Variants in RANBP2 observed in about 807,000 individuals in gnomAD.
RANBP2 encodes the protein RAN binding protein 2.
A neutral mutation model predicts 303.6 loss-of-function variants in RANBP2; 57 were observed. The observed-to-expected ratio is 0.19, with a 90% CI of 0.15 to 0.23. The LOEUF (loss-of-function observed/expected upper bound fraction) is 0.23, where lower values mean the gene tolerates loss of function less well. RANBP2 is among the 10% of genes least tolerant of loss of function. RANBP2 has a pLI of 1.00. For synonymous variants in RANBP2, 1,167 were observed against 1,301.5 expected (o/e 0.90, Z 2.23); for missense variants, 3,138 against 3,780.8 (o/e 0.83, Z 4.46).
the RANBP2 span, chr2:109,585,821 A>G: frequency 6.2e-7 from 1 of 1,613,732 alleles, no homozygotes. Flanking sequence ...TAGTCAACGA[A>G]CGAATGTTTT....
the RANBP2 span, among the ~76,000 whole-genome samples, chr2:109,537,550 T>C: frequency 6.8e-6 from 1 of 146,616 alleles, no homozygotes; most frequent in Non-Finnish European, 1.5e-5. Context: ...ATACTGGTCT[T>C]ATGAGTTTGG....
the RANBP2 span, among the ~76,000 whole-genome samples, chr2:109,462,960 A>T: frequency 6.6e-6 from 1 of 152,100 alleles, no homozygotes; most frequent in Admixed American, 6.5e-5. Flanking sequence ...TCTTTCCCCT[A>T]ATGCGCAGTC....
the RANBP2 span, among the ~76,000 whole-genome samples, chr2:109,120,667 CAAAAAAA>C: frequency 1.7e-5 from 1 of 59,894 alleles, no homozygotes; most frequent in African/African-American, 6.5e-5. Flanking sequence ...AACTCCGTCT[CAAAAAAA>C]AAAAAAAAAA....
At chr2:109,690,322 A>G in the RANBP2 span, among the ~76,000 whole-genome samples, 7 of 152,196 alleles carry the variant, frequency 4.6e-5, no homozygotes, top group African/African-American at 1.7e-4. Context: ...GGGACAACTC[A>G]AAGTTGTGGG....
the RANBP2 span, among the ~76,000 whole-genome samples, chr2:109,276,449 C>T: frequency 1.3e-5 from 2 of 152,072 alleles, no homozygotes; most frequent in Non-Finnish European, 2.9e-5. Flanking sequence ...TCCTCCGGGA[C>T]CCAGGGAGGG....
chr2:109,574,675 T>G, the RANBP2 span: 38 of 1,610,260 alleles, frequency 2.4e-5, no homozygotes, highest in Non-Finnish European at 3.1e-5. Flanking sequence ...GATGCGAGAA[T>G]CATGGTAGGT....
intron 1 of RANBP2, 59 bp from the exon 2 acceptor site, chr2:108,729,073 G>GA (rs1337375881): frequency 6.6e-7 from 1 of 1,524,960 alleles, no homozygotes; most frequent in Non-Finnish European, 8.9e-7. Flanking sequence ...TACTACTTTT[G>GA]AAAAAATGTT....
the RANBP2 span, among the ~76,000 whole-genome samples, chr2:109,096,082 G>A: frequency 1.1e-3 from 167 of 152,010 alleles, no homozygotes; most frequent in South Asian, 5.2e-3. Flanking sequence ...AATGACTTAC[G>A]GTGATGTGAG....
chr2:109,631,571 C>T, the RANBP2 span, among the ~76,000 whole-genome samples: 1,130 of 152,086 alleles, frequency 7.4e-3, 21 homozygotes, highest in African/African-American at 0.026. Context: ...ACCTGGACAA[C>T]GTGGTGAAAC....
chr2:109,532,479 C>T, the RANBP2 span, among the ~76,000 whole-genome samples: 1 of 152,088 alleles, frequency 6.6e-6, no homozygotes, highest in Non-Finnish European at 1.5e-5. Context: ...AAGCCCTGTG[C>T]GTGGGTGCCC....
At chr2:109,526,265 C>T in the RANBP2 span, among the ~76,000 whole-genome samples, 6 of 152,086 alleles carry the variant, frequency 3.9e-5, no homozygotes, top group African/African-American at 1.4e-4. Flanking sequence ...TGCCTGTGGC[C>T]CTGGGCAAGG....
At chr2:108,923,347 T>G in the RANBP2 span, 1 of 1,611,088 alleles carries the variant, frequency 6.2e-7, no homozygotes. Flanking sequence ...ACCGTGCTGG[T>G]GGAAGGACAA....
At chr2:109,299,040 G>A in the RANBP2 span, among the ~76,000 whole-genome samples, 1 of 152,138 alleles carries the variant, frequency 6.6e-6, no homozygotes, top group African/African-American at 2.4e-5. Flanking sequence ...GTGCCCTCTG[G>A]GTCACCTGCT....
At chr2:108,797,962 AT>A in the RANBP2 span, among the ~76,000 whole-genome samples, 111,130 of 141,158 alleles carry the variant, frequency 0.79, 43,770 homozygotes, top group East Asian at 0.94. Context: ...ACGGTGTGTG[AT>A]TTTTTTTTTT....
At chr2:108,793,346 AAAC>A in the RANBP2 span, among the ~76,000 whole-genome samples, 1 of 152,180 alleles carries the variant, frequency 6.6e-6, no homozygotes, top group South Asian at 2.1e-4. Context: ...AAACAAAACA[AAAC>A]AACAACAAAA....
the RANBP2 span, among the ~76,000 whole-genome samples, chr2:109,392,533 G>T: frequency 1.3e-5 from 2 of 151,584 alleles, no homozygotes; most frequent in African/African-American, 4.8e-5. Context: ...TTTTGGAGAC[G>T]GAGTCTCGCA....
At chr2:109,102,950 C>T in the RANBP2 span, among the ~76,000 whole-genome samples, 6 of 152,150 alleles carry the variant, frequency 3.9e-5, no homozygotes, top group Admixed American at 1.3e-4. Flanking sequence ...GATTGCAACG[C>T]AGCTGAGAGT....
chr2:108,827,362 TAAATA>T, the RANBP2 span, among the ~76,000 whole-genome samples: 2 of 152,120 alleles, frequency 1.3e-5, no homozygotes, highest in African/African-American at 2.4e-5. Context: ...GCTAGTAAAA[TAAATA>T]AAAGAGAAAA....
At chr2:109,689,965 A>T in the RANBP2 span, among the ~76,000 whole-genome samples, 28,185 of 152,132 alleles carry the variant, frequency 0.19, 3,299 homozygotes, top group Middle Eastern at 0.32. Context: ...AAATTTCCTG[A>T]GCTGGATTAT....
Sources: gnomAD v4.1 joint callset for allele counts (sites outside exome capture counted in the v4.1 genomes callset) on GRCh38, gnomAD v4.1.1 for gene constraint, MANE v1.5 for transcripts, NCBI Gene and HGNC (gene_info 2026-07-23, HGNC 2026-07-21) for gene names.